Variants in STMP1 observed in about 807,000 individuals in gnomAD.
STMP1 encodes mitolamban.
In STMP1, 7 loss-of-function variants were observed where a neutral mutation model predicts 7.0. The observed-to-expected ratio is 1.01, with a 90% CI of 0.57 to 1.89. The LOEUF (loss-of-function observed/expected upper bound fraction) is 1.89, where lower values mean the gene tolerates loss of function less well. STMP1 is among the 40% of genes most tolerant of loss of function. The probability of loss-of-function intolerance (pLI) is 0.00; values close to 1 mark genes in which losing one functional copy is unlikely to be tolerated. For synonymous variants in STMP1, 19 were observed against 18.4 expected (o/e 1.03, Z -0.08); for missense variants, 45 against 53.0 (o/e 0.85, Z 0.47).
Position 135,674,125 on chromosome 7 carries a change from A to T in STMP1, c.104A>T (p.Lys35Ile). 6.4e-7 allele frequency: 1 copy of T among 1,551,126 alleles called. No individual in the cohort carries two copies. Among genetic ancestry groups the T allele is most frequent in the Non-Finnish European group, 8.7e-7 (1 of 1,146,862 alleles). Residue 35 changes from lysine to isoleucine, a missense_variant, in exon 3 of 3, where the codon AAA (lysine) becomes ATA (isoleucine). Transcript: ENST00000507606. ...CTGGCTAAAAAACTTGAAGAAATTA[A>T]AAAGGACTTGGATGCCAAGAAGAAA... ...PNLAKKLEEI[K>I]KDLDAKKKPP... is the part of the protein sequence containing the mutation.
chr7:135,670,311 C>T (rs1428211866), intron 1 of STMP1, among the ~76,000 whole-genome samples: 1 of 152,144 alleles, frequency 6.6e-6, no homozygotes, highest in African/African-American at 2.4e-5. Flanking sequence ...ATGGGGGAAG[C>T]AGGGCATTGT....
rs117772489 is a variant in STMP1 at position 135,662,945 on chromosome 7, C to T, written c.15+351C>T. Among the ~76,000 whole-genome samples, 89 of 152,344 alleles carry T rather than the reference C, an allele frequency of 5.8e-4. 1 individual carries two copies. In the East Asian group the frequency reaches 0.016, roughly 28 times the overall value. ...GACTTTTCGTAGTCCGCCCCCCTTT[C>T]TTTCTGCGCTCCTGTTCCATTACAT... On this transcript the variant is annotated intron_variant, in intron 1 of 2. Transcript: ENST00000507606.
intron 1 of STMP1, among the ~76,000 whole-genome samples, chr7:135,666,422 C>G (rs1312393313): frequency 6.6e-6 from 1 of 152,192 alleles, no homozygotes; most frequent in African/African-American, 2.4e-5. Context: ...AATCTCGGCT[C>G]ACTGCAACCT....
intron 1 of STMP1, among the ~76,000 whole-genome samples, chr7:135,669,047 G>A (rs1795331296): frequency 6.6e-6 from 1 of 152,202 alleles, no homozygotes; most frequent in Non-Finnish European, 1.5e-5. Flanking sequence ...TACATGGATG[G>A]CAGCAGACAA....
chr7:135,671,320 C>T (rs1249574828), intron 1 of STMP1, among the ~76,000 whole-genome samples: 1 of 152,132 alleles, frequency 6.6e-6, no homozygotes, highest in Non-Finnish European at 1.5e-5. Flanking sequence ...CATTCTGTTC[C>T]CCTGTGTGCA....
intron 1 of STMP1, among the ~76,000 whole-genome samples, chr7:135,667,568 A>G (rs1226774900): frequency 6.6e-6 from 1 of 152,172 alleles, no homozygotes; most frequent in Non-Finnish European, 1.5e-5. Context: ...AGAATTATTT[A>G]TATATTCTGG....
rs1795242077 is a variant in STMP1, at chr7:135,662,526, G to C, written c.-54G>C. 2.0e-6 allele frequency: 3 copies of C among 1,534,472 alleles called. No homozygotes were observed. ...CGCATGGGGAGGTAGGCTCGGACCG[G>C]CCCGCGGAGCTGCTGCAGTCCTTCG... On this transcript the variant is annotated 5_prime_UTR_variant, in exon 1 of 3. Transcript: ENST00000507606.
chr7:135,662,552 C>T lies in STMP1; in HGVS notation c.-28C>T, dbSNP rs1485570355. 8 of 1,546,028 alleles carry T rather than the reference C, an allele frequency of 5.2e-6. No homozygotes were observed. Among genetic ancestry groups the T allele is most frequent in the African/African-American group, 2.8e-5 (2 of 72,358 alleles). ...CCCGCGGAGCTGCTGCAGTCCTTCG[C>T]GCCCTCCTCGCCCTCCCCACCGACA... is the stretch of plus-strand genomic sequence containing the variant. On this transcript the variant is annotated 5_prime_UTR_variant, in exon 1 of 3. Coordinates refer to ENST00000507606, the MANE Select transcript of STMP1 (RefSeq NM_001130929.2).
chr7:135,663,879 C>A (rs1471741396), intron 1 of STMP1, among the ~76,000 whole-genome samples: 1 of 151,354 alleles, frequency 6.6e-6, no homozygotes, highest in Non-Finnish European at 1.5e-5. Context: ...CTCCTGACCT[C>A]GGGATCTGCC....
chr7:135,666,164 C>G (rs1333490764), intron 1 of STMP1, among the ~76,000 whole-genome samples: 1 of 152,096 alleles, frequency 6.6e-6, no homozygotes, highest in African/African-American at 2.4e-5. Context: ...AACTCCTGAC[C>G]TCAAGTGATT....
intron 1 of STMP1, among the ~76,000 whole-genome samples, chr7:135,665,010 AC>A (rs1428620215): frequency 6.6e-6 from 1 of 152,148 alleles, no homozygotes; most frequent in Non-Finnish European, 1.5e-5. Context: ...GAAAATGCAA[AC>A]CCACCTCACA....
chr7:135,671,067 T>A (rs766010865), intron 1 of STMP1, among the ~76,000 whole-genome samples: 17 of 152,236 alleles, frequency 1.1e-4, no homozygotes, highest in Non-Finnish European at 2.9e-5. Flanking sequence ...CTTCTGGATT[T>A]GGAAAACCAT....
intron 2 of STMP1, among the ~76,000 whole-genome samples, chr7:135,673,821 C>A (rs917384388): frequency 2.6e-5 from 4 of 152,098 alleles, no homozygotes; most frequent in African/African-American, 9.7e-5. Flanking sequence ...TCCGTGGTCC[C>A]AACTACTTGC....
chr7:135,668,160 A>G (rs1795315530), intron 1 of STMP1, among the ~76,000 whole-genome samples: 1 of 152,232 alleles, frequency 6.6e-6, no homozygotes, highest in Non-Finnish European at 1.5e-5. Flanking sequence ...ACTTTATTCC[A>G]TTGATCTTTA....
chr7:135,662,696 G>T (rs900266391), intron 1 of STMP1, 102 bp downstream of exon 1: 4 of 1,365,688 alleles, frequency 2.9e-6, no homozygotes, highest in Non-Finnish European at 3.9e-6. Flanking sequence ...GCCTGGGCGT[G>T]GGTCCAGCGG....
rs1795403015 is a variant in STMP1 at position 135,675,447 on chromosome 7, C to T, written c.*1282C>T. 6.6e-6 allele frequency: 1 copy of T among 151,716 alleles called. No individual in the cohort carries two copies. The highest frequency in any genetic ancestry group is 1.5e-5 in the Non-Finnish European group (1 of 67,984). 9.4% of individuals were successfully genotyped at this position (151,716 alleles called of 1,614,324 possible). On this transcript the variant is annotated 3_prime_UTR_variant, in exon 3 of 3. Coordinates refer to ENST00000507606, the MANE Select transcript of STMP1 (RefSeq NM_001130929.2). ...GGAACCTCATTCTTTTTTTGGCTGCCTAAAATTTTTTTGAATAGATATAAC... is the reference window on the plus strand; with the variant it reads ...GGAACCTCATTCTTTTTTTGGCTGCTTAAAATTTTTTTGAATAGATATAAC...
chr7:135,662,567 C>G lies in STMP1; in HGVS notation c.-13C>G, dbSNP rs1484483058. The G allele has an allele frequency of 1.9e-6, 3 of 1,548,266 alleles. No individual in the cohort carries two copies. Among genetic ancestry groups the G allele is most frequent in the Non-Finnish European group, 8.7e-7 (1 of 1,145,714 alleles). Reference sequence around the variant, plus strand: ...CAGTCCTTCGCGCCCTCCTCGCCCTCCCCACCGACATCATGCTCCAGTTCC... The same window carrying G: ...CAGTCCTTCGCGCCCTCCTCGCCCTGCCCACCGACATCATGCTCCAGTTCC... On this transcript the variant is annotated 5_prime_UTR_variant, in exon 1 of 3. Coordinates refer to ENST00000507606, the MANE Select transcript of STMP1 (RefSeq NM_001130929.2).
In STMP1 at chr7:135,675,166, A is replaced by C. The variant is rs1795397759; in HGVS notation, c.*1001A>C. On this transcript the variant is annotated 3_prime_UTR_variant, in exon 3 of 3. Transcript: ENST00000507606. ...TTTAAATTAAAAAAAAATTTGAATAATTAACTTTTGCCATGGGACAAGATA... is the reference window on the plus strand; with the variant it reads ...TTTAAATTAAAAAAAAATTTGAATACTTAACTTTTGCCATGGGACAAGATA... 1 of 152,122 alleles carries C rather than the reference A, an allele frequency of 6.6e-6. No individual in the cohort carries two copies. The highest frequency in any genetic ancestry group is 6.5e-5 in the Admixed American group (1 of 15,280). The allele number at this position is 152,122 out of a possible 1,614,324, so 9.4% of individuals were successfully genotyped here. A position where few individuals can be genotyped will look rare whatever the true frequency, so the allele number is the denominator to read the frequency against.
At position 135,666,536 on chromosome 7, in the gene STMP1, A is replaced by G. The variant is rs190513156; in HGVS notation, c.15+3942A>G. 4.1e-3 allele frequency among the ~76,000 whole-genome samples: 619 copies of G among 151,124 alleles called. 2 individuals are homozygous for G. The highest frequency in any genetic ancestry group is 0.014 in the African/African-American group (590 of 41,116). ...GCTAATTTTTGTATTTTTAGTAGAA[A>G]CAGCCATGTTGGCCAGGCTGGTCTC... On this transcript the variant is annotated intron_variant, in intron 1 of 2. Coordinates refer to ENST00000507606, the MANE Select transcript of STMP1 (RefSeq NM_001130929.2).
Sources: allele counts gnomAD v4.1 joint callset (sites outside exome capture counted in the v4.1 genomes callset), GRCh38; gene constraint gnomAD v4.1.1; transcripts MANE v1.5; gene names NCBI Gene and HGNC (gene_info 2026-07-23, HGNC 2026-07-21).